The following STRA6 variants were observed in gnomAD, a reference collection of about 807,000 sequenced individuals.
STRA6 encodes receptor for retinol uptake STRA6.
In STRA6, 48 loss-of-function variants were observed where a neutral mutation model predicts 83.6. The ratio of observed to expected loss-of-function variants is 0.57; its 90% CI spans 0.46 to 0.73. The LOEUF (loss-of-function observed/expected upper bound fraction) is 0.73, where lower values mean the gene tolerates loss of function less well. Ranked by LOEUF, STRA6 falls within the 30% of genes least tolerant of loss-of-function variation. The probability of loss-of-function intolerance (pLI) is 0.00; values close to 1 mark genes in which losing one functional copy is unlikely to be tolerated. For synonymous variants in STRA6, 353 were observed against 362.3 expected (o/e 0.97, Z 0.29); for missense variants, 760 against 838.8 (o/e 0.91, Z 1.16).
At chr15:74,182,725 A>C in intron 14 of STRA6, 1 of 478,660 alleles carries the variant, frequency 2.1e-6, no homozygotes, top group Non-Finnish European at 3.8e-6. Context: ...AACTCTTAAA[A>C]TCACAAAATA....
At chr15:74,193,650 A>G in intron 8 of STRA6, 150 bp downstream of exon 8, 1 of 1,350,816 alleles carries the variant, frequency 7.4e-7, no homozygotes, top group Non-Finnish European at 1.0e-6. Flanking sequence ...GGGAGGGAGG[A>G]CTAAGCAGTC....
At chr15:74,201,847 A>G (rs2074081542) in intron 2 of STRA6, among the ~76,000 whole-genome samples, 1 of 152,154 alleles carries the variant, frequency 6.6e-6, no homozygotes, top group South Asian at 2.1e-4. Context: ...GCTATGGGCC[A>G]GAATCACCCA....
At chr15:74,211,073 G>A (rs369961399), upstream of STRA6, among the ~76,000 whole-genome samples, 4 of 152,006 alleles carry the variant, frequency 2.6e-5, no homozygotes, top group African/African-American at 9.7e-5. Context: ...GCCCAGAGAG[G>A]CCACATGATG....
chr15:74,186,877 T>G (rs531162714), intron 12 of STRA6, among the ~76,000 whole-genome samples: 1 of 152,320 alleles, frequency 6.6e-6, no homozygotes, highest in South Asian at 2.1e-4. Flanking sequence ...GCAACGGGAA[T>G]GTTAAAGCCA....
chr15:74,209,430 C>G, upstream of STRA6: 1 of 1,535,570 alleles, frequency 6.5e-7, no homozygotes, highest in Non-Finnish European at 8.7e-7. Context: ...ACCACCAGCT[C>G]GGCTCTTAAT....
At chr15:74,203,575 G>A (rs2074178224), upstream of STRA6, among the ~76,000 whole-genome samples, 1 of 152,248 alleles carries the variant, frequency 6.6e-6, no homozygotes, top group African/African-American at 2.4e-5. Context: ...TGTCAGCTAA[G>A]GCAGTCATTC....
rs1378980883 is a variant in STRA6, at chr15:74,202,747, G to A, written c.-50C>T. The stretch of plus-strand genomic sequence containing the variant: ...GGCCCAGGGAGGAAGGAGTTGCAGA[G>A]ATGAAAGGGTAGGCAGCCCACGGCC... On this transcript the variant is annotated 5_prime_UTR_variant, in exon 1 of 19. Transcript: ENST00000395105. 8.9e-6 allele frequency: 11 copies of A among 1,230,334 alleles called. No homozygotes were observed. Among genetic ancestry groups the A allele is most frequent in the Non-Finnish European group, 1.1e-5 (11 of 986,640 alleles). 76.2% of individuals were successfully genotyped at this position (1,230,334 alleles called of 1,614,324 possible). A position where few individuals can be genotyped will look rare whatever the true frequency, so the allele number is the denominator to read the frequency against.
At position 74,197,354 on chromosome 15, in the gene STRA6, T is replaced by C. The variant is rs1193497507; in HGVS notation, c.250A>G (p.Arg84Gly). 1 of 1,550,450 alleles carries C rather than the reference T, an allele frequency of 6.4e-7. No individual in the cohort carries two copies. The highest frequency in any genetic ancestry group is 1.2e-5 in the South Asian group (1 of 84,048). Residue 84 changes from arginine to glycine, a missense_variant, in exon 4 of 19, where the codon AGG (arginine) becomes GGG (glycine). By Grantham distance (125) the Arg-to-Gly change is moderately radical (BLOSUM62 -2). Transcript: ENST00000395105. Reference protein sequence around the residue: ...RQLWPDCVRGRPGLPSPVDFL... With the variant: ...RQLWPDCVRGGPGLPSPVDFL... Reference sequence around the variant, plus strand: ...GGTACAAACCTGGGCAGGCCGGGCCTGCCACGCACACAGTCAGGCCAGAGC... The same window carrying C: ...GGTACAAACCTGGGCAGGCCGGGCCCGCCACGCACACAGTCAGGCCAGAGC...
intron 2 of STRA6, among the ~76,000 whole-genome samples, chr15:74,201,283 G>A (rs1348598351): frequency 6.6e-6 from 1 of 152,178 alleles, no homozygotes; most frequent in African/African-American, 2.4e-5. Flanking sequence ...GAGAACAGAT[G>A]TGCACACATC....
At chr15:74,197,663 C>T (rs2073881971) in intron 3 of STRA6, 89 bp downstream of exon 3, 2 of 1,533,136 alleles carry the variant, frequency 1.3e-6, no homozygotes, top group Non-Finnish European at 1.8e-6. Context: ...TTCCAGGGCC[C>T]CCCTTCACCA....
chr15:74,210,685 G>C (rs2142122923), upstream of STRA6, among the ~76,000 whole-genome samples: 1 of 152,306 alleles, frequency 6.6e-6, no homozygotes, highest in Non-Finnish European at 1.5e-5. Flanking sequence ...AGCTGTGAAG[G>C]CATCACTGAG....
Position 74,180,107 on chromosome 15 carries a change from C to T in STRA6, c.1977G>A (p.Leu659=). Residue 659 remains leucine (L), a synonymous_variant, in exon 19 of 19, where the codon CTG becomes CTA. Coordinates refer to ENST00000395105, the MANE Select transcript of STRA6 (RefSeq NM_022369.4). ...AGGGCTGGGCACCATTGGCACCCAA[C>T]AGGGCCGTCTTGCGGAAGACCTGCA... ...PTLQVFRKTA[L]LGANGAQP is the part of the protein sequence containing the mutation. 1.2e-6 allele frequency: 2 copies of T among 1,613,648 alleles called. No individual in the cohort carries two copies. The highest frequency in any genetic ancestry group is 1.7e-6 in the Non-Finnish European group (2 of 1,179,660).
exon 1 of STRA6, chr15:74,208,829 C>T (rs2142117759): frequency 1.0e-6 from 1 of 989,268 alleles, no homozygotes; most frequent in Non-Finnish European, 1.2e-6. Context: ...TGACCTCTCC[C>T]TTCCTTGTCT....
At chr15:74,191,024 T>G (rs1305220756) in intron 10 of STRA6, 123 bp from the exon 11 acceptor site, 8 of 1,569,142 alleles carry the variant, frequency 5.1e-6, no homozygotes, top group Non-Finnish European at 6.9e-6. Flanking sequence ...CAGGCCAGGG[T>G]CTTCCCGCTG....
chr15:74,195,855 A>G lies in STRA6; in HGVS notation c.406+153T>C, dbSNP rs1015518248. Among the ~76,000 whole-genome samples the G allele has an allele frequency of 5.9e-5, 9 of 152,240 alleles. No individual in the cohort carries two copies. In the East Asian group the frequency reaches 1.5e-3, roughly 26 times the overall value. ...TTTGTAGCATCGTTGTAAAGACTGG[A>G]TGGTCTAAAAAGGTCACGTCTCAGG... On this transcript the variant is annotated intron_variant, in intron 5 of 18. Coordinates refer to ENST00000395105, the MANE Select transcript of STRA6 (RefSeq NM_022369.4).
chr15:74,194,381 C>G (rs2073709905), intron 7 of STRA6: 2 of 1,061,980 alleles, frequency 1.9e-6, no homozygotes, highest in South Asian at 7.0e-5. Context: ...TATACTCATT[C>G]ATTTATTTGT....
chr15:74,188,105 G>A lies in STRA6; in HGVS notation c.1090+1010C>T, dbSNP rs113001803. Among the ~76,000 whole-genome samples, 3 of 152,334 alleles carry A rather than the reference G, an allele frequency of 2.0e-5. No homozygotes were observed. Among genetic ancestry groups the A allele is most frequent in the Admixed American group, 6.5e-5 (1 of 15,298 alleles). The stretch of plus-strand genomic sequence containing the variant: ...GCAGTTCCAGGGCAGCCTCTAGTAC[G>A]GGAACTGAGGTGCTCACGGAGATGG... On this transcript the variant is annotated intron_variant, in intron 12 of 18. Coordinates refer to ENST00000395105, the MANE Select transcript of STRA6 (RefSeq NM_022369.4). The surrounding 1 kb of genome is among the most constrained non-coding windows in gnomAD (Gnocchi z 4.5).
rs1266112433 is a variant in STRA6, at chr15:74,188,090, G to C, written c.1090+1025C>G. On this transcript the variant is annotated intron_variant, in intron 12 of 18. Transcript: ENST00000395105. The surrounding 1 kb of genome is among the most constrained non-coding windows in gnomAD (Gnocchi z 4.5). ...TTGTTGCCCTCAGCAGCAGTTCCAG[G>C]GCAGCCTCTAGTACGGGAACTGAGG... Among the ~76,000 whole-genome samples the C allele has an allele frequency of 6.6e-6, 1 of 152,182 alleles. No individual in the cohort carries two copies. The highest frequency in any genetic ancestry group is 1.5e-5 in the Non-Finnish European group (1 of 68,032).
intron 2 of STRA6, among the ~76,000 whole-genome samples, chr15:74,199,332 A>T (rs1258936027): frequency 5.9e-5 from 9 of 152,246 alleles, no homozygotes; most frequent in East Asian, 1.9e-4. Flanking sequence ...AGGCAGAGTA[A>T]GTCAGCTCTG....
Sources: allele counts gnomAD v4.1 joint callset (sites outside exome capture counted in the v4.1 genomes callset), GRCh38; gene constraint gnomAD v4.1.1; non-coding constraint Gnocchi (gnomAD v3.1); transcripts MANE v1.5; gene names NCBI Gene and HGNC (gene_info 2026-07-23, HGNC 2026-07-21).